RBFOX2: variants seen among roughly 807,000 people sequenced by gnomAD.
RBFOX2 encodes the protein RNA binding fox-1 homolog 2.
Under a neutral mutation model 49.1 loss-of-function variants are expected in RBFOX2, and 10 were observed. The observed-to-expected ratio is 0.20, with a 90% CI of 0.13 to 0.35. The LOEUF (loss-of-function observed/expected upper bound fraction) is 0.35, where lower values mean the gene tolerates loss of function less well. Ranked by LOEUF, RBFOX2 falls within the 10% of genes least tolerant of loss-of-function variation. The probability of loss-of-function intolerance (pLI) is 1.00; values close to 1 mark genes in which losing one functional copy is unlikely to be tolerated. For missense variants in RBFOX2, 323 were observed against 486.9 expected, an observed-to-expected ratio of 0.66 and a Z score of 3.17; for synonymous variants, 183 against 187.4, an observed-to-expected ratio of 0.98 and a Z score of 0.19.
intron 1 of RBFOX2, among the ~76,000 whole-genome samples, chr22:35,820,384 T>C (rs1954205756): frequency 1.3e-5 from 2 of 152,192 alleles, no homozygotes; most frequent in South Asian, 2.1e-4. Context: ...TCTTTGCACA[T>C]AGTATTCTTT....
chr22:35,765,346 G>A, intron 6 of RBFOX2, 77 bp downstream of exon 7: 2 of 1,034,400 alleles, frequency 1.9e-6, no homozygotes, highest in African/African-American at 1.7e-5. Context: ...CGGAAATAAA[G>A]ACATTCTTAG....
intron 5 of RBFOX2, among the ~76,000 whole-genome samples, chr22:35,767,962 G>A (rs894794009): frequency 6.6e-6 from 1 of 152,016 alleles, no homozygotes; most frequent in South Asian, 2.1e-4. Flanking sequence ...AATCAAGAGA[G>A]CAGAAAGATC....
At chr22:35,860,992 T>C (rs2149083686) in intron 1 of RBFOX2, among the ~76,000 whole-genome samples, 1 of 152,336 alleles carries the variant, frequency 6.6e-6, no homozygotes, top group Non-Finnish European at 1.5e-5. Context: ...TAAGACTGTA[T>C]GATACTGGTG....
intron 1 of RBFOX2, among the ~76,000 whole-genome samples, chr22:35,981,974 C>T (rs552926167): frequency 6.6e-6 from 1 of 152,114 alleles, no homozygotes; most frequent in Admixed American, 6.5e-5. Flanking sequence ...GAGAGGCACA[C>T]CAAAGGGAAT....
chr22:35,915,562 C>A (rs1453508066), intron 1 of RBFOX2, among the ~76,000 whole-genome samples: 1 of 152,206 alleles, frequency 6.6e-6, no homozygotes, highest in East Asian at 1.9e-4. Context: ...TAAGGAGCTG[C>A]TGAAAAGTGC....
intron 1 of RBFOX2, among the ~76,000 whole-genome samples, chr22:35,960,517 T>G (rs1034299958): frequency 6.6e-6 from 1 of 152,146 alleles, no homozygotes; most frequent in South Asian, 2.1e-4. Flanking sequence ...ATGGGTCACC[T>G]CAGAAGATGT....
chr22:35,796,784 C>A (rs1948865044), intron 2 of RBFOX2, among the ~76,000 whole-genome samples: 1 of 152,116 alleles, frequency 6.6e-6, no homozygotes, highest in Non-Finnish European at 1.5e-5. Context: ...TTGCATTATA[C>A]AAGACCACAT....
chr22:35,835,830 A>G (rs1957556555), intron 1 of RBFOX2, among the ~76,000 whole-genome samples: 1 of 152,224 alleles, frequency 6.6e-6, no homozygotes, highest in Non-Finnish European at 1.5e-5. Flanking sequence ...TAATTTTTAG[A>G]AAAGCAATAC....
At chr22:35,982,741 T>TA (rs1458016716) in intron 1 of RBFOX2, among the ~76,000 whole-genome samples, 1 of 151,778 alleles carries the variant, frequency 6.6e-6, no homozygotes, top group Non-Finnish European at 1.5e-5. Flanking sequence ...TAGTCTCTGA[T>TA]AGAGTGTTTT....
In RBFOX2 at chr22:35,894,665, G is replaced by C. The variant is rs549811691; in HGVS notation, c.-34+44182C>G. The stretch of plus-strand genomic sequence containing the variant: ...AAAAACAATGTCACAATCACCGCTA[G>C]GTTTTAAAAACCTAACACCTTGGAA... On this transcript the variant is annotated intron_variant, in intron 1 of 13. Transcript: ENST00000359369. Among the ~76,000 whole-genome samples, 6 of 152,216 alleles carry C rather than the reference G, an allele frequency of 3.9e-5. 1 individual carries two copies. The South Asian group carries it at 1.2e-3, about 32-fold the overall frequency.
chr22:35,897,498 C>T (rs1244185638), intron 1 of RBFOX2: 5 of 816,890 alleles, frequency 6.1e-6, no homozygotes, highest in East Asian at 4.8e-5. Flanking sequence ...TCTTGCTACC[C>T]ACTGATAGGC....
At chr22:35,897,942 C>T (rs1189537621) in intron 1 of RBFOX2, 5 of 767,416 alleles carry the variant, frequency 6.5e-6, no homozygotes, top group Non-Finnish European at 9.3e-6. Flanking sequence ...CCTTGGACAC[C>T]TGAGCAATTG....
chr22:35,771,576 C>T (rs1420743856), intron 4 of RBFOX2, among the ~76,000 whole-genome samples: 4 of 152,166 alleles, frequency 2.6e-5, no homozygotes, highest in African/African-American at 9.7e-5. Context: ...GGAATTAATA[C>T]ATACCTCTTA....
At chr22:35,920,258 G>A (rs2050884279) in intron 1 of RBFOX2, among the ~76,000 whole-genome samples, 1 of 152,152 alleles carries the variant, frequency 6.6e-6, no homozygotes, top group South Asian at 2.1e-4. Flanking sequence ...TGGTCATGAA[G>A]GTCCTCAATA....
intron 1 of RBFOX2, among the ~76,000 whole-genome samples, chr22:35,900,625 C>T (rs1167357416): frequency 2.7e-5 from 4 of 150,644 alleles, no homozygotes; most frequent in Non-Finnish European, 4.4e-5. Flanking sequence ...AAGAATGAGG[C>T]TCTTTTTCCC....
At chr22:35,963,633 C>T (rs1182032640), upstream of RBFOX2, among the ~76,000 whole-genome samples, 6 of 152,210 alleles carry the variant, frequency 3.9e-5, no homozygotes, top group Admixed American at 3.9e-4. Flanking sequence ...CATTTATCTA[C>T]TCTTTGACTC....
At chr22:35,777,662 T>A (rs959179945) in intron 4 of RBFOX2, 1 of 201,304 alleles carries the variant, frequency 5.0e-6, no homozygotes, top group Non-Finnish European at 1.0e-5. Flanking sequence ...GAATTCAGAA[T>A]AGAATTCTCA....
chr22:35,829,209 C>T (rs1294444243), intron 1 of RBFOX2, among the ~76,000 whole-genome samples: 1 of 152,088 alleles, frequency 6.6e-6, no homozygotes, highest in East Asian at 1.9e-4. Context: ...CAATGTATGG[C>T]ATCCAGTCAA....
exon 12 of RBFOX2, chr22:35,740,435 G>A (rs1377829920): frequency 4.6e-5 from 7 of 152,568 alleles, no homozygotes; most frequent in Non-Finnish European, 7.4e-5. Flanking sequence ...ACAAATTTAC[G>A]TCTGATGTTC....
Sources: gnomAD v4.1 joint callset for allele counts (sites outside exome capture counted in the v4.1 genomes callset) on GRCh38, gnomAD v4.1.1 for gene constraint, MANE v1.5 for transcripts, NCBI Gene and HGNC (gene_info 2026-07-23, HGNC 2026-07-21) for gene names.